The following GFRA4 variants were observed in gnomAD, a reference collection of about 807,000 sequenced individuals.
GFRA4 encodes GDNF family receptor alpha 4.
GFRA4 carries 31 observed loss-of-function variants against 28.5 expected under a neutral mutation model. The observed-to-expected ratio is 1.09, with a 90% confidence interval of 0.82 to 1.47. GFRA4 has a LOEUF of 1.47. Ranked by LOEUF, GFRA4 falls within the 40% of genes most tolerant of loss-of-function variation. The probability of loss-of-function intolerance (pLI) is 0.00; values close to 1 mark genes in which losing one functional copy is unlikely to be tolerated. For synonymous variants in GFRA4, 188 were observed against 188.0 expected (o/e 1.00, Z 0.00); for missense variants, 389 against 413.2 (o/e 0.94, Z 0.51).
intron 1 of GFRA4, among the ~76,000 whole-genome samples, chr20:3,662,823 C>T (rs986992030): frequency 6.6e-6 from 1 of 152,208 alleles, no homozygotes; most frequent in Non-Finnish European, 1.5e-5. Context: ...CACCCTTGCC[C>T]AGAACACCCT....
chr20:3,660,053 C>T, intron 5 of GFRA4, 64 bp from the exon 6 acceptor site: 1 of 1,515,042 alleles, frequency 6.6e-7, no homozygotes, highest in Non-Finnish European at 8.9e-7. Flanking sequence ...TGCCTGCACC[C>T]CCACCCCAGG....
Position 3,660,744 on chromosome 20 carries a change from G to GC in GFRA4, c.502+10dup. On this transcript the variant is annotated intron_variant, in intron 3 of 5. Transcript: ENST00000290417. ...AACCCCCGCCCTCGCCCGGATCCCGGCCGCGCGTACCCACGAGGCCCGCGT... is the reference window on the plus strand; with the variant it reads ...AACCCCCGCCCTCGCCCGGATCCCGGCCCGCGCGTACCCACGAGGCCCGCGT... 1 of 1,433,764 alleles carries GC rather than the reference G, an allele frequency of 7.0e-7. No homozygotes were observed. Among genetic ancestry groups the GC allele is most frequent in the Non-Finnish European group, 9.1e-7 (1 of 1,099,652 alleles). 88.8% of individuals were successfully genotyped at this position (1,433,764 alleles called of 1,614,324 possible).
chr20:3,660,493 C>A, intron 4 of GFRA4, 33 bp downstream of exon 4: 1 of 1,524,268 alleles, frequency 6.6e-7, no homozygotes, highest in Non-Finnish European at 8.8e-7. Flanking sequence ...GCGCCGCCCC[C>A]ACTCCCCCTC....
At chr20:3,663,224 C>G (rs1251889126) in intron 1 of GFRA4, 130 bp downstream of exon 1, 11 of 1,110,540 alleles carry the variant, frequency 9.9e-6, no homozygotes, top group Non-Finnish European at 1.4e-5. Flanking sequence ...GCCGTGCGCA[C>G]AGGCCTCTCA....
chr20:3,660,709 T>A, intron 3 of GFRA4, 46 bp downstream of exon 3: 1 of 1,493,354 alleles, frequency 6.7e-7, no homozygotes, highest in Non-Finnish European at 8.9e-7. Context: ...GGCGGAGATA[T>A]CCCCTGGAGA....
rs1037940365 is a variant in GFRA4 at position 3,661,119 on chromosome 20, C to T, written c.217G>A (p.Ala73Thr). The change falls in exon 2 of 6, where the codon GCC (alanine) becomes ACC (threonine). Residue 73 changes from alanine (A) to threonine (T), a missense_variant. Physicochemically the swap from Ala to Thr is moderately conservative, Grantham distance 58. Transcript: ENST00000290417. ...RCRRALRRFF[A>T]RGPPALTHAL... ...TGGGTGAGCGCGGGCGGCCCGCGGGCGAAGAAGCGGCGCAGGGCCCGGCGG... is the reference window on the plus strand; with the variant it reads ...TGGGTGAGCGCGGGCGGCCCGCGGGTGAAGAAGCGGCGCAGGGCCCGGCGG... 1 of 1,310,420 alleles carries T rather than the reference C, an allele frequency of 7.6e-7. No individual in the cohort carries two copies. The highest frequency in any genetic ancestry group is 9.6e-7 in the Non-Finnish European group (1 of 1,037,956). 81.2% of individuals were successfully genotyped at this position (1,310,420 alleles called of 1,614,324 possible).
rs745574549 is a variant in GFRA4 at position 3,659,898 on chromosome 20, C to T, written c.*11G>A. 5.7e-6 allele frequency: 9 copies of T among 1,585,438 alleles called. No homozygotes were observed. Among genetic ancestry groups the T allele is most frequent in the Admixed American group, 1.8e-5 (1 of 54,872 alleles). Reference sequence around the variant, plus strand: ...AGTAGCTGGCTGTGCTATCCGAGGTCGCTGTCCTAATCAGAGCAGGGCCGG... The same window carrying T: ...AGTAGCTGGCTGTGCTATCCGAGGTTGCTGTCCTAATCAGAGCAGGGCCGG... On this transcript the variant is annotated 3_prime_UTR_variant, in exon 6 of 6. Coordinates refer to ENST00000290417, the MANE Select transcript of GFRA4 (RefSeq NM_022139.4).
chr20:3,661,046 C>A lies in GFRA4; in HGVS notation c.290G>T (p.Arg97Leu), dbSNP rs1235112876. 3.4e-6 allele frequency: 5 copies of A among 1,456,836 alleles called. No homozygotes were observed. Among genetic ancestry groups the A allele is most frequent in the Admixed American group, 2.6e-5 (1 of 38,466 alleles). The allele number at this position is 1,456,836 out of a possible 1,614,324, so 90.2% of individuals were successfully genotyped here. Residue 97 changes from arginine (R) to leucine (L), a missense_variant, in exon 2 of 6, where the codon CGG becomes CTG. Physicochemically the swap from Arg to Leu is moderately radical, Grantham distance 102. Coordinates refer to ENST00000290417, the MANE Select transcript of GFRA4 (RefSeq NM_022139.4). ...PCAGPACAERRRQTFVPSCAF... is the reference protein window; with the variant it reads ...PCAGPACAERLRQTFVPSCAF... Reference sequence around the variant, plus strand: ...GCAGGAGGGCACGAAGGTCTGGCGCCGACGCTCGGCGCACGCGGGGCCCGC... The same window carrying A: ...GCAGGAGGGCACGAAGGTCTGGCGCAGACGCTCGGCGCACGCGGGGCCCGC...
rs750234198 is a variant in GFRA4 at position 3,660,976 on chromosome 20, G to C, written c.360C>G (p.Pro120=). 143 of 1,453,898 alleles carry C rather than the reference G, an allele frequency of 9.8e-5. 2 individuals are homozygous for C. The African/African-American group carries it at 1.6e-3, about 16-fold the overall frequency. The allele number at this position is 1,453,898 out of a possible 1,614,324, so 90.1% of individuals were successfully genotyped here. The stretch of plus-strand genomic sequence containing the variant: ...CCCGGCTGCGCTCGCAGAAGTTTAA[G>C]GGCTCAAGGCAGGAGGGCGGCGCGG... ...PGPAPPSCLE[P]LNFCERSRVC... The change falls in exon 2 of 6, where the codon CCC becomes CCG. Residue 120 remains proline, a synonymous_variant. Coordinates refer to ENST00000290417, the MANE Select transcript of GFRA4 (RefSeq NM_022139.4).
At position 3,660,322 on chromosome 20, in the gene GFRA4, G is replaced by A. The variant is rs2087203911; in HGVS notation, c.638-73C>T. 6 of 1,279,188 alleles carry A rather than the reference G, an allele frequency of 4.7e-6. No individual in the cohort carries two copies. In the South Asian group the frequency reaches 8.3e-5, roughly 18 times the overall value. 79.2% of individuals were successfully genotyped at this position (1,279,188 alleles called of 1,614,324 possible). A position where few individuals can be genotyped will look rare whatever the true frequency, so the allele number is the denominator to read the frequency against. ...CAGGGCTCAGCACAGGGGACAAAGTGAGAGACCCCCTGCTGCAAAGACTGG... is the reference window on the plus strand; with the variant it reads ...CAGGGCTCAGCACAGGGGACAAAGTAAGAGACCCCCTGCTGCAAAGACTGG... On this transcript the variant is annotated intron_variant, in intron 4 of 5. Transcript: ENST00000290417.
At chr20:3,662,891 A>G (rs919863538) in intron 1 of GFRA4, among the ~76,000 whole-genome samples, 1 of 152,034 alleles carries the variant, frequency 6.6e-6, no homozygotes, top group Non-Finnish European at 1.5e-5. Flanking sequence ...CTCCACCTTA[A>G]ACCTTTACCA....
At position 3,659,905 on chromosome 20, in the gene GFRA4, C is replaced by A; in HGVS notation, c.*4G>T. 3 of 1,590,800 alleles carry A rather than the reference C, an allele frequency of 1.9e-6. No homozygotes were observed. Among genetic ancestry groups the A allele is most frequent in the East Asian group, 2.3e-5 (1 of 44,054 alleles). On this transcript the variant is annotated 3_prime_UTR_variant, in exon 6 of 6. Transcript: ENST00000290417. ...GGCTGTGCTATCCGAGGTCGCTGTC[C>A]TAATCAGAGCAGGGCCGGGAGAGCC...
intron 5 of GFRA4, 83 bp from the exon 6 acceptor site, chr20:3,660,072 G>T (rs1173551046): frequency 2.2e-5 from 33 of 1,512,456 alleles, no homozygotes; most frequent in Non-Finnish European, 2.8e-5. Context: ...GGCCCTTCAT[G>T]CCTCCACCCA....
In GFRA4 at chr20:3,659,804, T is replaced by C. The variant is rs2087196410; in HGVS notation, c.*105A>G. On this transcript the variant is annotated 3_prime_UTR_variant, in exon 6 of 6. Transcript: ENST00000290417. ...GCGGAGTGAAAGCACCAGGGCCGGCTTGGGGGGTAAGCCAGCCCCTTCTCA... is the reference window on the plus strand; with the variant it reads ...GCGGAGTGAAAGCACCAGGGCCGGCCTGGGGGGTAAGCCAGCCCCTTCTCA... 1 of 1,117,424 alleles carries C rather than the reference T, an allele frequency of 8.9e-7. No individual in the cohort carries two copies. 69.2% of individuals were successfully genotyped at this position (1,117,424 alleles called of 1,614,324 possible). A position where few individuals can be genotyped will look rare whatever the true frequency, so the allele number is the denominator to read the frequency against.
chr20:3,661,454 G>C (rs2087224490), intron 1 of GFRA4, among the ~76,000 whole-genome samples, 165 bp from the exon 2 acceptor site: 1 of 152,240 alleles, frequency 6.6e-6, no homozygotes, highest in Admixed American at 6.5e-5. Context: ...CCGTCGTGGG[G>C]ATGGGCAGCG....
At position 3,661,303 on chromosome 20, in the gene GFRA4, G is replaced by A; in HGVS notation, c.47-14C>T. The A allele has an allele frequency of 1.2e-5, 17 of 1,451,368 alleles. No homozygotes were observed. Among genetic ancestry groups the A allele is most frequent in the Non-Finnish European group, 1.5e-5 (17 of 1,107,128 alleles). The allele number at this position is 1,451,368 out of a possible 1,614,324, so 89.9% of individuals were successfully genotyped here. A position where few individuals can be genotyped will look rare whatever the true frequency, so the allele number is the denominator to read the frequency against. On this transcript the variant is annotated splice_polypyrimidine_tract_variant and intron_variant, in intron 1 of 5. Coordinates refer to ENST00000290417, the MANE Select transcript of GFRA4 (RefSeq NM_022139.4). ...AGCTCGCCGACCCTGGGAAAGGCGC[G>A]GGGAGGCTGCAGGTCTCAGTGCGCC...
chr20:3,660,824 G>T lies in GFRA4; in HGVS notation c.433C>A (p.Pro145Thr). The change falls in exon 3 of 6, where the codon CCC becomes ACC. Residue 145 changes from proline to threonine, a missense_variant. Transcript: ENST00000290417. ...LAFQVSCTPAPSAPDGCLLDQ... is the reference protein window; with the variant it reads ...LAFQVSCTPATSAPDGCLLDQ... ...AGCAGGCAGCCGTCGGGGGCGCTGG[G>T]CGCTGGGGTGCACGAGACCTGAAAG... 1 of 1,422,084 alleles carries T rather than the reference G, an allele frequency of 7.0e-7. No homozygotes were observed. 88.1% of individuals were successfully genotyped at this position (1,422,084 alleles called of 1,614,324 possible).
chr20:3,662,315 CA>C (rs2087232336), intron 1 of GFRA4, among the ~76,000 whole-genome samples: 1 of 152,198 alleles, frequency 6.6e-6, no homozygotes, highest in Non-Finnish European at 1.5e-5. Flanking sequence ...GGATTTGAGT[CA>C]CAAAAACCAG....
chr20:3,660,815 G>A lies in GFRA4; in HGVS notation c.442C>T (p.Pro148Ser), dbSNP rs2146338011. The A allele has an allele frequency of 7.1e-7, 1 of 1,415,820 alleles. No homozygotes were observed. The highest frequency in any genetic ancestry group is 9.1e-7 in the Non-Finnish European group (1 of 1,097,428). The allele number at this position is 1,415,820 out of a possible 1,614,324, so 87.7% of individuals were successfully genotyped here. A position where few individuals can be genotyped will look rare whatever the true frequency, so the allele number is the denominator to read the frequency against. ...CCCTGGTCCAGCAGGCAGCCGTCGGGGGCGCTGGGCGCTGGGGTGCACGAG... is the reference window on the plus strand; with the variant it reads ...CCCTGGTCCAGCAGGCAGCCGTCGGAGGCGCTGGGCGCTGGGGTGCACGAG... ...QVSCTPAPSA[P>S]DGCLLDQGAR... The change falls in exon 3 of 6, where the codon CCC (proline) becomes TCC (serine). Residue 148 changes from proline (P) to serine (S), a missense_variant. Transcript: ENST00000290417.
Sources: allele counts gnomAD v4.1 joint callset (sites outside exome capture counted in the v4.1 genomes callset), GRCh38; gene constraint gnomAD v4.1.1; transcripts MANE v1.5; gene names NCBI Gene and HGNC (gene_info 2026-07-23, HGNC 2026-07-21).